Variants in SCHIP1 observed in about 807,000 individuals in gnomAD.
The protein encoded by SCHIP1 is schwannomin-interacting protein 1.
A neutral mutation model predicts 29.7 loss-of-function variants in SCHIP1; 8 were observed. That is an observed-to-expected ratio of 0.27 (90% CI 0.16 to 0.49). The LOEUF (loss-of-function observed/expected upper bound fraction) is 0.49. Among genes scored for constraint, SCHIP1 ranks in the 20% least tolerant of loss-of-function variants. The pLI, the probability that SCHIP1 is intolerant of heterozygous loss-of-function variation, is 0.99. For missense variants in SCHIP1, 193 were observed against 294.6 expected (o/e 0.66, Z 2.52); for synonymous variants, 76 against 94.9 (o/e 0.80, Z 1.16).
chr3:159,595,795 A>C, the SCHIP1 span, among the ~76,000 whole-genome samples: 1 of 152,166 alleles, frequency 6.6e-6, no homozygotes, highest in Non-Finnish European at 1.5e-5. Flanking sequence ...GTTGTTCACT[A>C]AACTGAACTC....
the SCHIP1 span, among the ~76,000 whole-genome samples, chr3:159,381,143 A>G: frequency 1.3e-5 from 2 of 152,150 alleles, no homozygotes; most frequent in South Asian, 4.2e-4. Flanking sequence ...TTAGAGTTAC[A>G]CAAGGAGTGG....
chr3:159,478,245 GT>G, the SCHIP1 span, among the ~76,000 whole-genome samples: 1 of 151,970 alleles, frequency 6.6e-6, no homozygotes, highest in African/African-American at 2.4e-5. Context: ...ACTACTTTGA[GT>G]TGATTTTTAT....
chr3:159,824,050 C>T, the SCHIP1 span, among the ~76,000 whole-genome samples: 2 of 152,138 alleles, frequency 1.3e-5, no homozygotes, highest in Admixed American at 6.5e-5. Context: ...TAAACAAGAA[C>T]GTAATTGAGT....
At chr3:159,480,844 A>C in the SCHIP1 span, among the ~76,000 whole-genome samples, 1 of 152,170 alleles carries the variant, frequency 6.6e-6, no homozygotes, top group Non-Finnish European at 1.5e-5. Context: ...CGTTTGAGCA[A>C]CAAGGCTGTT....
chr3:159,765,644 T>A, the SCHIP1 span: 1 of 153,242 alleles, frequency 6.5e-6, no homozygotes, highest in African/African-American at 2.4e-5. Flanking sequence ...GGCAGCGGGG[T>A]TCGTTCCGTC....
chr3:159,569,919 C>T, the SCHIP1 span, among the ~76,000 whole-genome samples: 5 of 152,074 alleles, frequency 3.3e-5, no homozygotes, highest in Non-Finnish European at 5.9e-5. Context: ...TGATGACCAG[C>T]GATAATGAGC....
chr3:159,592,238 T>C, the SCHIP1 span, among the ~76,000 whole-genome samples: 1 of 152,162 alleles, frequency 6.6e-6, no homozygotes, highest in African/African-American at 2.4e-5. Context: ...AAGGGATCCA[T>C]GAAAATCTGT....
upstream of SCHIP1, among the ~76,000 whole-genome samples, chr3:159,837,731 A>T (rs1228546954): frequency 6.6e-6 from 1 of 152,140 alleles, no homozygotes; most frequent in African/African-American, 2.4e-5. Context: ...CGAAAAAAAA[A>T]AAAAGAATTC....
the SCHIP1 span, among the ~76,000 whole-genome samples, chr3:159,517,092 G>T: frequency 6.6e-6 from 1 of 152,292 alleles, no homozygotes; most frequent in South Asian, 2.1e-4. Context: ...TTCTGAAGGT[G>T]AGAAGACGTT....
chr3:159,362,691 G>C, the SCHIP1 span, among the ~76,000 whole-genome samples: 125,493 of 152,076 alleles, frequency 0.83, 52,163 homozygotes, highest in African/African-American at 0.9. Context: ...TAGAGTACAG[G>C]CCAGGATTTC....
At chr3:159,321,297 C>T in the SCHIP1 span, among the ~76,000 whole-genome samples, 3 of 152,196 alleles carry the variant, frequency 2.0e-5, no homozygotes, top group South Asian at 6.2e-4. Context: ...GAAACACCTC[C>T]TCTCCCTCAT....
the SCHIP1 span, among the ~76,000 whole-genome samples, chr3:159,592,333 A>C: frequency 6.6e-6 from 1 of 151,958 alleles, no homozygotes; most frequent in Non-Finnish European, 1.5e-5. Flanking sequence ...ATTTGCCACA[A>C]TTTTTCCCCA....
chr3:159,281,824 G>A, the SCHIP1 span, among the ~76,000 whole-genome samples: 1 of 152,026 alleles, frequency 6.6e-6, no homozygotes, highest in South Asian at 2.1e-4. Flanking sequence ...AATATGAAAT[G>A]TTAAAAAATA....
At chr3:159,766,967 G>C in the SCHIP1 span, among the ~76,000 whole-genome samples, 1 of 152,138 alleles carries the variant, frequency 6.6e-6, no homozygotes, top group Non-Finnish European at 1.5e-5. Context: ...TGAACAGTTT[G>C]CATATTTGCA....
the SCHIP1 span, among the ~76,000 whole-genome samples, chr3:159,626,197 T>C: frequency 8.3e-6 from 1 of 119,940 alleles, no homozygotes; most frequent in African/African-American, 5.3e-5. Flanking sequence ...GATAGATAGA[T>C]AGATAGATAG....
chr3:159,413,635 A>G, the SCHIP1 span, among the ~76,000 whole-genome samples: 2 of 152,120 alleles, frequency 1.3e-5, no homozygotes, highest in African/African-American at 2.4e-5. Flanking sequence ...ACGTATATAA[A>G]CAATGTTTTT....
chr3:159,437,556 C>G, the SCHIP1 span, among the ~76,000 whole-genome samples: 85 of 152,074 alleles, frequency 5.6e-4, 3 homozygotes, highest in East Asian at 0.014. Flanking sequence ...GGCTCCTGGC[C>G]CATGACAGAT....
chr3:159,831,875 C>T, the SCHIP1 span, among the ~76,000 whole-genome samples: 4 of 151,632 alleles, frequency 2.6e-5, no homozygotes, highest in Admixed American at 1.3e-4. Flanking sequence ...CCTTGAAAAG[C>T]GAAACCATAG....
At chr3:159,857,494 T>C (rs968154098) in intron 1 of SCHIP1, among the ~76,000 whole-genome samples, 2 of 152,152 alleles carry the variant, frequency 1.3e-5, no homozygotes, top group Non-Finnish European at 2.9e-5. Context: ...TACACTTTGA[T>C]GGTTTTTAGT....
Sources: allele counts gnomAD v4.1 joint callset (sites outside exome capture counted in the v4.1 genomes callset), GRCh38; gene constraint gnomAD v4.1.1; transcripts MANE v1.5; gene names NCBI Gene and HGNC (gene_info 2026-07-23, HGNC 2026-07-21).